The following PDE1C variants were observed in gnomAD, a reference collection of about 807,000 sequenced individuals.
PDE1C encodes the protein phosphodiesterase 1C.
A neutral mutation model predicts 93.1 loss-of-function variants in PDE1C; 62 were observed. The observed-to-expected ratio is 0.67, with a 90% confidence interval of 0.54 to 0.82. The LOEUF is 0.82. Ranked by LOEUF, PDE1C falls within the 40% of genes least tolerant of loss-of-function variation. The pLI is 0.00. For missense variants in PDE1C, 742 were observed against 884.6 expected, an observed-to-expected ratio of 0.84 and a Z score of 2.04; for synonymous variants, 325 against 310.1, an observed-to-expected ratio of 1.05 and a Z score of -0.50.
intron 17 of PDE1C, among the ~76,000 whole-genome samples, chr7:31,757,916 G>T (rs960291126): frequency 3.3e-5 from 5 of 152,190 alleles, no homozygotes; most frequent in Non-Finnish European, 7.3e-5. Context: ...ATCAATGATA[G>T]ACTGAATTAA....
intron 8 of PDE1C, among the ~76,000 whole-genome samples, chr7:31,850,342 G>A (rs1449739612): frequency 6.6e-6 from 1 of 152,032 alleles, no homozygotes; most frequent in Admixed American, 6.6e-5. Flanking sequence ...CCCATTTCCT[G>A]TTAGAAGTAG....
intron 1 of PDE1C, among the ~76,000 whole-genome samples, chr7:32,245,455 T>A (rs574473853): frequency 2.1e-4 from 32 of 152,364 alleles, no homozygotes; most frequent in African/African-American, 7.5e-4. Flanking sequence ...TGCTCTCTAA[T>A]GCCATTTTCT....
chr7:32,242,317 C>A (rs1274643153), intron 1 of PDE1C, among the ~76,000 whole-genome samples: 1 of 151,894 alleles, frequency 6.6e-6, no homozygotes, highest in Non-Finnish European at 1.5e-5. Flanking sequence ...GGGGGTTGAA[C>A]AATTGTTGAA....
At chr7:32,407,016 C>T (rs1157343005) in intron 1 of PDE1C, among the ~76,000 whole-genome samples, 1 of 152,190 alleles carries the variant, frequency 6.6e-6, no homozygotes, top group Non-Finnish European at 1.5e-5. Context: ...TGGCTCATGC[C>T]TGTAATCCAA....
At chr7:31,688,158 G>A in the PDE1C span, among the ~76,000 whole-genome samples, 5 of 152,218 alleles carry the variant, frequency 3.3e-5, no homozygotes, top group South Asian at 4.2e-4. Context: ...ACCTGGGCTC[G>A]GGACTCCATG....
At chr7:32,187,381 C>T (rs1207191951) in intron 2 of PDE1C, among the ~76,000 whole-genome samples, 1 of 152,142 alleles carries the variant, frequency 6.6e-6, no homozygotes, top group Non-Finnish European at 1.5e-5. Context: ...ATAGTGTCCA[C>T]TTACTCCTAT....
At chr7:32,277,157 G>C (rs1049926823) in intron 1 of PDE1C, among the ~76,000 whole-genome samples, 4 of 152,188 alleles carry the variant, frequency 2.6e-5, no homozygotes, top group African/African-American at 9.7e-5. Context: ...GCTGAAGTGG[G>C]AGAATCACCT....
At chr7:31,992,515 G>T (rs893831437) in intron 2 of PDE1C, among the ~76,000 whole-genome samples, 11 of 152,220 alleles carry the variant, frequency 7.2e-5, no homozygotes, top group African/African-American at 1.2e-4. Context: ...TCAGTGGGAT[G>T]TAAGCCAGGG....
At chr7:31,926,054 C>T (rs1803333825) in intron 2 of PDE1C, among the ~76,000 whole-genome samples, 1 of 148,518 alleles carries the variant, frequency 6.7e-6, no homozygotes, top group Admixed American at 6.7e-5. Context: ...TCATACATTA[C>T]AGTTTGTAAA....
intron 2 of PDE1C, among the ~76,000 whole-genome samples, chr7:32,201,462 A>G (rs904547675): frequency 6.6e-6 from 1 of 152,196 alleles, no homozygotes; most frequent in African/African-American, 2.4e-5. Flanking sequence ...CTATTATCTC[A>G]ATAGGGGTAC....
At chr7:32,042,927 C>G (rs1283063993) in intron 2 of PDE1C, among the ~76,000 whole-genome samples, 1 of 152,234 alleles carries the variant, frequency 6.6e-6, no homozygotes, top group African/African-American at 2.4e-5. Context: ...AATCTCATCT[C>G]TTTACAGACA....
the PDE1C span, among the ~76,000 whole-genome samples, chr7:31,664,286 C>G: frequency 6.6e-6 from 1 of 152,140 alleles, no homozygotes; most frequent in Non-Finnish European, 1.5e-5. Flanking sequence ...GAAAGATGTA[C>G]TTACGCACAG....
intron 1 of PDE1C, among the ~76,000 whole-genome samples, chr7:32,395,396 A>G (rs1006009992): frequency 2.0e-5 from 3 of 152,214 alleles, no homozygotes; most frequent in Non-Finnish European, 4.4e-5. Flanking sequence ...GCAAGAAACT[A>G]CAGATAGAGG....
At chr7:31,933,720 C>T (rs1804642564) in intron 2 of PDE1C, among the ~76,000 whole-genome samples, 1 of 152,148 alleles carries the variant, frequency 6.6e-6, no homozygotes, top group Non-Finnish European at 1.5e-5. Flanking sequence ...TGAGCTCTCA[C>T]TCTAAGCTCA....
At chr7:32,010,926 C>G (rs1443727266) in intron 2 of PDE1C, among the ~76,000 whole-genome samples, 2 of 152,182 alleles carry the variant, frequency 1.3e-5, no homozygotes, top group Non-Finnish European at 2.9e-5. Flanking sequence ...AGGTTACATT[C>G]TGCAGAACAA....
At chr7:32,420,333 ATATATGTG>A (rs1785395849) in intron 1 of PDE1C, among the ~76,000 whole-genome samples, 1 of 2,628 alleles carries the variant, frequency 3.8e-4, no homozygotes. Context: ...ATGTGTATAT[ATATATGTG>A]TATATATATG....
the PDE1C span, among the ~76,000 whole-genome samples, chr7:31,721,263 G>C: frequency 6.6e-6 from 1 of 152,172 alleles, no homozygotes; most frequent in African/African-American, 2.4e-5. Context: ...CTGTTATCTT[G>C]GTGCTTAAGT....
At chr7:31,638,280 A>G in the PDE1C span, among the ~76,000 whole-genome samples, 4 of 152,222 alleles carry the variant, frequency 2.6e-5, no homozygotes, top group Non-Finnish European at 5.9e-5. Flanking sequence ...AGTCTTAAAT[A>G]TTACACTAGT....
chr7:32,169,726 G>C (rs552676902), intron 3 of PDE1C: 1 of 1,469,294 alleles, frequency 6.8e-7, no homozygotes, highest in South Asian at 1.1e-5. Flanking sequence ...CATCTAACTG[G>C]ATTGAAACAA....
Sources: gnomAD v4.1 joint callset for allele counts (sites outside exome capture counted in the v4.1 genomes callset) on GRCh38, gnomAD v4.1.1 for gene constraint, MANE v1.5 for transcripts, NCBI Gene and HGNC (gene_info 2026-07-23, HGNC 2026-07-21) for gene names.